Variants in LGI2 observed in about 807,000 individuals in gnomAD.
LGI2 encodes leucine-rich repeat LGI family member 2.
In LGI2, 30 loss-of-function variants were observed where a neutral mutation model predicts 52.0. That is an observed-to-expected ratio of 0.58 (90% CI 0.43 to 0.78). The LOEUF is 0.78. Ranked by LOEUF, LGI2 falls within the 30% of genes least tolerant of loss-of-function variation. The pLI, the probability that LGI2 is intolerant of heterozygous loss-of-function variation, is 0.00. For synonymous variants in LGI2, 270 were observed against 271.8 expected (o/e 0.99, Z 0.06); for missense variants, 573 against 692.5 (o/e 0.83, Z 1.94).
chr4:25,000,322 A>G lies in LGI2; in HGVS notation c.*3129T>C, dbSNP rs150399968. The G allele has an allele frequency of 1.3e-5, 2 of 153,262 alleles. No individual in the cohort carries two copies. Among genetic ancestry groups the G allele is most frequent in the East Asian group, 1.9e-4 (1 of 5,198 alleles). 9.5% of individuals were successfully genotyped at this position (153,262 alleles called of 1,614,324 possible). ...GAAAGTTATTGCTTTGCCAGTCCCT[A>G]TTGGATAACCATGGCAGGCAATTCA... On this transcript the variant is annotated 3_prime_UTR_variant, in exon 8 of 8. Transcript: ENST00000382114.
chr4:24,997,980 G>A (rs1349276282), downstream of LGI2, among the ~76,000 whole-genome samples: 3 of 151,964 alleles, frequency 2.0e-5, no homozygotes, highest in African/African-American at 4.8e-5. Context: ...TGGGCTCAAG[G>A]GATCCTCCTG....
Position 25,003,391 on chromosome 4 carries a change from T to A in LGI2, c.*60A>T. 5.0e-6 allele frequency: 6 copies of A among 1,201,128 alleles called. No individual in the cohort carries two copies. Among genetic ancestry groups the A allele is most frequent in the Non-Finnish European group, 7.0e-6 (6 of 858,110 alleles). The allele number at this position is 1,201,128 out of a possible 1,614,324, so 74.4% of individuals were successfully genotyped here. ...TGGCTTTGATTTGTTTGTTGATTTT[T>A]CTTGGTCCTCTTTTGTGAGAGCTAA... is the stretch of plus-strand genomic sequence containing the variant. On this transcript the variant is annotated 3_prime_UTR_variant, in exon 8 of 8. Coordinates refer to ENST00000382114, the MANE Select transcript of LGI2 (RefSeq NM_018176.4).
At chr4:25,030,091 A>AACACACACAC (rs35093206) in intron 1 of LGI2, among the ~76,000 whole-genome samples, 1 of 150,900 alleles carries the variant, frequency 6.6e-6, no homozygotes, top group African/African-American at 2.4e-5. Flanking sequence ...CCAACCCGCA[A>AACACACACAC]ACACACACAC....
intron 7 of LGI2, among the ~76,000 whole-genome samples, chr4:25,007,230 G>A (rs957262890): frequency 8.1e-5 from 12 of 148,422 alleles, no homozygotes; most frequent in African/African-American, 2.4e-4. Context: ...GTAAAATAAC[G>A]TTTCCTTTAA....
chr4:25,017,435 A>G (rs892224463), intron 6 of LGI2, among the ~76,000 whole-genome samples: 1 of 150,352 alleles, frequency 6.7e-6, no homozygotes, highest in Admixed American at 6.7e-5. Context: ...TCAGCTGCTC[A>G]GGAGGCTGAG....
In LGI2 at chr4:25,017,541, C is replaced by CAAAAA. The variant is rs66740392; in HGVS notation, c.655+443_655+447dup. Among the ~76,000 whole-genome samples the CAAAAA allele has an allele frequency of 8.1e-4, 43 of 53,242 alleles. 1 individual carries two copies. The highest frequency in any genetic ancestry group is 2.7e-3 in the East Asian group (4 of 1,464). 34.9% of individuals were successfully genotyped at this position (53,242 alleles called of 152,430 possible). On this transcript the variant is annotated intron_variant, in intron 6 of 7. Transcript: ENST00000382114. ...TGGGCGACAGAGTAAGACTCTGCCTCAAAAAAAAAAAAAAAAAAAAAAAAA... is the reference window on the plus strand; with the variant it reads ...TGGGCGACAGAGTAAGACTCTGCCTCAAAAAAAAAAAAAAAAAAAAAAAAAAAAAA...
Position 25,003,619 on chromosome 4 carries a change from G to A in LGI2, c.1470C>T (p.Tyr490=), listed in dbSNP as rs1725311200. The A allele has an allele frequency of 6.2e-7, 1 of 1,614,088 alleles. No individual in the cohort carries two copies. Among genetic ancestry groups the A allele is most frequent in the Non-Finnish European group, 8.5e-7 (1 of 1,180,018 alleles). The stretch of plus-strand genomic sequence containing the variant: ...ATAGCTGCTTCTCTTTATCCCACTG[G>A]TATATCTGAGAGAATGTATAGTCAC... The part of the protein sequence containing the change: ...LGSDYTFSQI[Y]QWDKEKQLFK... The change falls in exon 8 of 8, where the codon TAC becomes TAT. Residue 490 remains tyrosine, a synonymous_variant. Coordinates refer to ENST00000382114, the MANE Select transcript of LGI2 (RefSeq NM_018176.4).
downstream of LGI2, among the ~76,000 whole-genome samples, chr4:24,998,188 T>A (rs1725136990): frequency 6.6e-6 from 1 of 152,164 alleles, no homozygotes; most frequent in South Asian, 2.1e-4. Flanking sequence ...TGATGCAAAA[T>A]TTTATCTAAA....
Position 25,012,319 on chromosome 4 carries a change from C to T in LGI2, c.820+16G>A. 5 of 1,613,790 alleles carry T rather than the reference C, an allele frequency of 3.1e-6. No individual in the cohort carries two copies. Among genetic ancestry groups the T allele is most frequent in the Non-Finnish European group, 4.2e-6 (5 of 1,179,720 alleles). On this transcript the variant is annotated intron_variant, in intron 7 of 7. Coordinates refer to ENST00000382114, the MANE Select transcript of LGI2 (RefSeq NM_018176.4). ...CTGAAATTAGTTCAACACATCTGAT[C>T]AAAGCCACAACACACCTGTAATGTT... is the stretch of plus-strand genomic sequence containing the variant.
At chr4:25,029,303 G>A (rs1322370632) in intron 1 of LGI2, among the ~76,000 whole-genome samples, 6 of 152,156 alleles carry the variant, frequency 3.9e-5, no homozygotes, top group Admixed American at 6.5e-5. Flanking sequence ...CATGTCACCC[G>A]ACTTAGCAAT....
At chr4:25,011,339 T>C (rs192665177) in intron 7 of LGI2, among the ~76,000 whole-genome samples, 1 of 152,200 alleles carries the variant, frequency 6.6e-6, no homozygotes, top group Non-Finnish European at 1.5e-5. Flanking sequence ...AGAGCGTTAC[T>C]CTCCGGAAGG....
chr4:25,030,716 G>A lies in LGI2; in HGVS notation c.-23C>T, dbSNP rs1414009470. 1 of 1,228,318 alleles carries A rather than the reference G, an allele frequency of 8.1e-7. No homozygotes were observed. Among genetic ancestry groups the A allele is most frequent in the Non-Finnish European group, 1.0e-6 (1 of 986,218 alleles). 76.1% of individuals were successfully genotyped at this position (1,228,318 alleles called of 1,614,324 possible). A position where few individuals can be genotyped will look rare whatever the true frequency, so the allele number is the denominator to read the frequency against. ...CATGCCCGGTCCCCGCTCCCCGCCCGGGCCCCGACCCCCACCGCCGCGCCG... is the reference window on the plus strand; with the variant it reads ...CATGCCCGGTCCCCGCTCCCCGCCCAGGCCCCGACCCCCACCGCCGCGCCG... On this transcript the variant is annotated 5_prime_UTR_variant, in exon 1 of 8. Coordinates refer to ENST00000382114, the MANE Select transcript of LGI2 (RefSeq NM_018176.4).
At position 25,012,560 on chromosome 4, in the gene LGI2, ACCATCACCGTT is replaced by A; in HGVS notation, c.656-72_656-62del. 2.6e-6 allele frequency: 4 copies of A among 1,552,998 alleles called. No homozygotes were observed. In the South Asian group the frequency reaches 4.7e-5, roughly 18 times the overall value. ...AAATCTCCTGTAGGGATTATCAACC[ACCATCACCGTT>A]CCATCATCACATCAGCTCTGAAAAG... On this transcript the variant is annotated intron_variant, in intron 6 of 7. Transcript: ENST00000382114.
At chr4:24,992,306 C>A in the LGI2 span, among the ~76,000 whole-genome samples, 2 of 152,254 alleles carry the variant, frequency 1.3e-5, no homozygotes. Flanking sequence ...CCTTGTCCCA[C>A]CGCCCCCCAC....
intron 6 of LGI2, among the ~76,000 whole-genome samples, chr4:25,015,772 A>G (rs1725737560): frequency 6.6e-6 from 1 of 152,082 alleles, no homozygotes; most frequent in Non-Finnish European, 1.5e-5. Flanking sequence ...TGATCTGAAC[A>G]GAAGACATGA....
chr4:25,007,854 A>G (rs923549035), intron 7 of LGI2, among the ~76,000 whole-genome samples: 15 of 152,120 alleles, frequency 9.9e-5, no homozygotes, highest in South Asian at 8.3e-4. Flanking sequence ...AAGTGCATGG[A>G]TTGAGAAAAT....
At chr4:25,009,631 TTTTTG>T (rs537949875) in intron 7 of LGI2, among the ~76,000 whole-genome samples, 2 of 152,074 alleles carry the variant, frequency 1.3e-5, no homozygotes, top group African/African-American at 4.8e-5. Flanking sequence ...GGCAGAGGTT[TTTTTG>T]TTTTGTTTTG....
chr4:25,021,902 G>A, intron 4 of LGI2, among the ~76,000 whole-genome samples: 1 of 136,400 alleles, frequency 7.3e-6, no homozygotes. Context: ...CTGCACTCCA[G>A]CCTAGGTAGC....
In LGI2 at chr4:24,999,557, A is replaced by C; in HGVS notation, c.*3894T>G. ...GCCTAATTAAAGAACTTCCTTCCGC[A>C]GCTGCGAAGGAGAGGCTGATACCTC... is the stretch of plus-strand genomic sequence containing the variant. On this transcript the variant is annotated 3_prime_UTR_variant, in exon 8 of 8. Transcript: ENST00000382114. 4.2e-6 allele frequency: 1 copy of C among 237,618 alleles called. No homozygotes were observed. The highest frequency in any genetic ancestry group is 5.1e-5 in the South Asian group (1 of 19,612). 14.7% of individuals were successfully genotyped at this position (237,618 alleles called of 1,614,324 possible).
Sources: allele counts gnomAD v4.1 joint callset (sites outside exome capture counted in the v4.1 genomes callset), GRCh38; gene constraint gnomAD v4.1.1; transcripts MANE v1.5; gene names NCBI Gene and HGNC (gene_info 2026-07-23, HGNC 2026-07-21).